The following CNTN5 variants were observed in gnomAD, a reference collection of about 807,000 sequenced individuals.
CNTN5 encodes contactin-5.
Under a neutral mutation model 129.1 loss-of-function variants are expected in CNTN5, and 77 were observed. The ratio of observed to expected loss-of-function variants is 0.60; its 90% CI spans 0.50 to 0.72. CNTN5 has a LOEUF of 0.72. CNTN5 is among the 30% of genes least tolerant of loss of function. The pLI, the probability that CNTN5 is intolerant of heterozygous loss-of-function variation, is 0.00. For synonymous variants in CNTN5, 509 were observed against 465.6 expected, an observed-to-expected ratio of 1.09 and a Z score of -1.20; for missense variants, 1,478 against 1,328.8, an observed-to-expected ratio of 1.11 and a Z score of -1.75.
chr11:99,413,710 C>T (rs971185167), intron 2 of CNTN5, among the ~76,000 whole-genome samples: 6 of 152,070 alleles, frequency 3.9e-5, no homozygotes, highest in Non-Finnish European at 7.4e-5. Context: ...TTTCAAAATT[C>T]GTTTTTTTCT....
chr11:100,204,343 T>TATATATATAA lies in CNTN5; in HGVS notation c.1884+10681_1884+10682insTATATATAAA, dbSNP rs1201876860. 1.1e-4 allele frequency among the ~76,000 whole-genome samples: 12 copies of TATATATATAA among 111,430 alleles called. 1 individual carries two copies. The highest frequency in any genetic ancestry group is 2.8e-4 in the East Asian group (1 of 3,608). The allele number at this position is 111,430 out of a possible 152,430, so 73.1% of individuals were successfully genotyped here. A position where few individuals can be genotyped will look rare whatever the true frequency, so the allele number is the denominator to read the frequency against. ...ATATATATATATATATATATATATA[T>TATATATATAA]AATTATAGGCAGACAGATAGATATA... is the stretch of plus-strand genomic sequence containing the variant. On this transcript the variant is annotated intron_variant, in intron 15 of 24. Coordinates refer to ENST00000524871, the MANE Select transcript of CNTN5 (RefSeq NM_014361.4).
intron 3 of CNTN5, among the ~76,000 whole-genome samples, chr11:99,724,502 C>T (rs1164441105): frequency 6.6e-6 from 1 of 152,092 alleles, no homozygotes; most frequent in Non-Finnish European, 1.5e-5. Flanking sequence ...TGTTCTAAGC[C>T]ATTACATATG....
intron 3 of CNTN5, among the ~76,000 whole-genome samples, chr11:99,815,868 C>G (rs902445727): frequency 6.6e-6 from 1 of 152,082 alleles, no homozygotes; most frequent in Non-Finnish European, 1.5e-5. Context: ...TCTAGGATCC[C>G]AACTCCTTCA....
At chr11:99,393,473 C>T (rs1941366505) in intron 2 of CNTN5, among the ~76,000 whole-genome samples, 1 of 151,676 alleles carries the variant, frequency 6.6e-6, no homozygotes, top group Non-Finnish European at 1.5e-5. Flanking sequence ...AGTGTTGTCA[C>T]CTCTTTTTCA....
intron 1 of CNTN5, among the ~76,000 whole-genome samples, chr11:99,238,423 C>A (rs1241226036): frequency 6.6e-6 from 1 of 152,084 alleles, no homozygotes; most frequent in Admixed American, 6.6e-5. Context: ...TAAATGATAT[C>A]CCAGAATCAT....
At chr11:99,537,161 G>A (rs958505772) in intron 2 of CNTN5, among the ~76,000 whole-genome samples, 1 of 152,126 alleles carries the variant, frequency 6.6e-6, no homozygotes, top group African/African-American at 2.4e-5. Flanking sequence ...TTCAAACCTG[G>A]ATGGTCTAAC....
chr11:99,818,531 A>G (rs1201310789), intron 3 of CNTN5, among the ~76,000 whole-genome samples: 1 of 152,090 alleles, frequency 6.6e-6, no homozygotes, highest in African/African-American at 2.4e-5. Flanking sequence ...GCTGGGATTA[A>G]AGGCATGAGC....
chr11:99,328,335 A>G (rs376602553), intron 2 of CNTN5, among the ~76,000 whole-genome samples: 12 of 152,296 alleles, frequency 7.9e-5, no homozygotes, highest in African/African-American at 2.9e-4. Context: ...TTCAAGGGTC[A>G]TGTGTCCAGA....
chr11:100,145,488 G>T (rs1946823061), intron 13 of CNTN5, among the ~76,000 whole-genome samples: 2 of 152,152 alleles, frequency 1.3e-5, no homozygotes, highest in Admixed American at 1.3e-4. Flanking sequence ...CAACATGTCT[G>T]AACACACGGT....
chr11:99,537,445 T>G (rs1457111687), intron 2 of CNTN5, among the ~76,000 whole-genome samples: 4 of 152,080 alleles, frequency 2.6e-5, no homozygotes, highest in Non-Finnish European at 4.4e-5. Context: ...AATAACTAGA[T>G]TCACTGAAAA....
At chr11:99,391,375 T>C (rs1037408169) in intron 2 of CNTN5, among the ~76,000 whole-genome samples, 3 of 152,086 alleles carry the variant, frequency 2.0e-5, no homozygotes, top group Admixed American at 6.6e-5. Flanking sequence ...CTTAGCATAG[T>C]GTGGAGAGAG....
At chr11:99,196,845 A>T (rs1858925905) in intron 1 of CNTN5, among the ~76,000 whole-genome samples, 1 of 151,950 alleles carries the variant, frequency 6.6e-6, no homozygotes, top group Non-Finnish European at 1.5e-5. Flanking sequence ...CCTATAAAAG[A>T]TTAGGAGGAG....
chr11:99,955,915 T>TG (rs1296664018), intron 7 of CNTN5, among the ~76,000 whole-genome samples: 2 of 152,170 alleles, frequency 1.3e-5, no homozygotes, highest in African/African-American at 2.4e-5. Context: ...TTAGAATCAA[T>TG]GTTCAACTCG....
At chr11:99,310,938 A>AT (rs36078355) in intron 1 of CNTN5, among the ~76,000 whole-genome samples, 12 of 149,370 alleles carry the variant, frequency 8.0e-5, no homozygotes, top group African/African-American at 2.9e-4. Flanking sequence ...ATTATTTATT[A>AT]TTTTTTTTTT....
At chr11:100,256,833 A>G (rs1234675170) in intron 17 of CNTN5, among the ~76,000 whole-genome samples, 1 of 151,954 alleles carries the variant, frequency 6.6e-6, no homozygotes, top group African/African-American at 2.4e-5. Context: ...TCAGGTGCCT[A>G]TGGCACCAGG....
At chr11:99,571,259 GT>G (rs1233838406) in intron 3 of CNTN5, among the ~76,000 whole-genome samples, 1 of 152,150 alleles carries the variant, frequency 6.6e-6, no homozygotes, top group Non-Finnish European at 1.5e-5. Context: ...ATGGCTATTT[GT>G]TAGCTTCATT....
chr11:99,221,549 C>T (rs1191867296), intron 1 of CNTN5, among the ~76,000 whole-genome samples: 1 of 151,722 alleles, frequency 6.6e-6, no homozygotes, highest in Non-Finnish European at 1.5e-5. Context: ...AGTTTATTCC[C>T]CTGATGGAAA....
intron 3 of CNTN5, among the ~76,000 whole-genome samples, chr11:99,673,390 G>T (rs1034319206): frequency 6.6e-6 from 1 of 152,148 alleles, no homozygotes; most frequent in African/African-American, 2.4e-5. Context: ...TCATGGTACG[G>T]ATTCAATGAC....
chr11:100,156,136 G>A (rs1277800520), intron 13 of CNTN5, among the ~76,000 whole-genome samples: 1 of 152,100 alleles, frequency 6.6e-6, no homozygotes, highest in African/African-American at 2.4e-5. Flanking sequence ...TACTGGCTAT[G>A]GGTTTGTCAC....
Sources: allele counts gnomAD v4.1 joint callset (sites outside exome capture counted in the v4.1 genomes callset), GRCh38; gene constraint gnomAD v4.1.1; transcripts MANE v1.5; gene names NCBI Gene and HGNC (gene_info 2026-07-23, HGNC 2026-07-21).